Variants in OPN3 observed in about 807,000 individuals in gnomAD.
The protein encoded by OPN3 is opsin 3, also known as opsin-3.
OPN3 carries 29 observed loss-of-function variants against 33.8 expected under a neutral mutation model. The observed-to-expected ratio is 0.86, with a 90% CI of 0.64 to 1.17. The LOEUF (loss-of-function observed/expected upper bound fraction) is 1.17. Among genes scored for constraint, OPN3 ranks in the 50% most tolerant of loss-of-function variants. The pLI, the probability that OPN3 is intolerant of heterozygous loss-of-function variation, is 0.00. For missense variants in OPN3, 437 were observed against 514.1 expected (o/e 0.85, Z 1.45); for synonymous variants, 216 against 216.1 (o/e 1.00, Z 0.00).
chr1:241,596,706 A>G (rs1234439862), intron 3 of OPN3, among the ~76,000 whole-genome samples: 3 of 152,214 alleles, frequency 2.0e-5, no homozygotes, highest in African/African-American at 7.2e-5. Context: ...ATTATCTTTA[A>G]CTTTTAAATT....
chr1:241,604,185 T>C (rs1663757310), intron 2 of OPN3, 75 bp downstream of exon 2: 4 of 1,379,374 alleles, frequency 2.9e-6, no homozygotes, highest in Non-Finnish European at 4.0e-6. Context: ...ATAGGAAGAC[T>C]TTCATTATTT....
At chr1:241,635,590 C>T (rs749809053) in intron 1 of OPN3, 12 of 1,614,094 alleles carry the variant, frequency 7.4e-6, no homozygotes, top group South Asian at 5.5e-5. Flanking sequence ...GATACTCCTT[C>T]AACCAGGATA....
rs200073477 is a variant in OPN3, at chr1:241,597,795, T to A, written c.896A>T (p.Lys299Ile). ...CACTGGATTGTATACAGTGTTCGAT[T>A]TAGCAAAGAGGTACGAAACAATAGA... ...TISIVSYLFA[K>I]SNTVYNPVIY... is the part of the protein sequence containing the mutation. The change falls in exon 3 of 4, where the codon AAA becomes ATA. Residue 299 changes from lysine to isoleucine, a missense_variant. Physicochemically the swap from Lys to Ile is moderately radical, Grantham distance 102. Transcript: ENST00000366554. 4.6e-5 allele frequency: 74 copies of A among 1,613,784 alleles called. No homozygotes were observed. Among genetic ancestry groups the A allele is most frequent in the Non-Finnish European group, 5.8e-5 (69 of 1,179,952 alleles).
At chr1:241,634,490 C>T in intron 1 of OPN3, 1 of 1,613,712 alleles carries the variant, frequency 6.2e-7, no homozygotes, top group Non-Finnish European at 8.5e-7. Flanking sequence ...TATTCTTTGA[C>T]CAAAGTGATC....
At position 241,639,970 on chromosome 1, in the gene OPN3, G is replaced by A; in HGVS notation, c.285C>T (p.Val95=). ...TCAGGCAGGACACGAAGGTAAAGGT[G>A]ACCCCGAAGAGGGACACCAGCAGGT... ...LSDLLVSLFG[V]TFTFVSCLRN... Residue 95 remains valine (V), a synonymous_variant, in exon 1 of 4, where the codon GTC becomes GTT. Transcript: ENST00000366554. 2 of 1,612,284 alleles carry A rather than the reference G, an allele frequency of 1.2e-6. No homozygotes were observed. The highest frequency in any genetic ancestry group is 1.7e-6 in the Non-Finnish European group (2 of 1,179,318).
rs548924916 is a variant in OPN3, at chr1:241,614,182, A to G, written c.374-9603T>C. ...GACTCCGTCTCAAAATTAAAAAAAA[A>G]AATTATGATTTCAGGTAATCAACTT... On this transcript the variant is annotated intron_variant, in intron 1 of 3. Transcript: ENST00000366554. 4.6e-5 allele frequency: 7 copies of G among 152,252 alleles called. No individual in the cohort carries two copies. The East Asian group carries it at 1.4e-3, about 29-fold the overall frequency. The allele number at this position is 152,252 out of a possible 1,614,324, so 9.4% of individuals were successfully genotyped here.
At chr1:241,604,712 A>C in intron 1 of OPN3, 133 bp from the exon 2 acceptor site, 1 of 780,762 alleles carries the variant, frequency 1.3e-6, no homozygotes, top group Non-Finnish European at 2.0e-6. Context: ...AGCCAAGAGT[A>C]ATAGTGTCTA....
intron 1 of OPN3, chr1:241,632,330 G>A (rs1361091297): frequency 1.3e-5 from 2 of 152,190 alleles, no homozygotes; most frequent in Non-Finnish European, 2.9e-5. Flanking sequence ...TCTCAGGTGT[G>A]TCTTTATCAA....
intron 1 of OPN3, chr1:241,635,850 T>C: frequency 7.4e-7 from 1 of 1,359,914 alleles, no homozygotes; most frequent in Non-Finnish European, 1.0e-6. Flanking sequence ...GTCCTTCTGA[T>C]GTTCCAGTTA....
chr1:241,624,739 C>A (rs902644518), intron 1 of OPN3, among the ~76,000 whole-genome samples: 1 of 152,160 alleles, frequency 6.6e-6, no homozygotes, highest in African/African-American at 2.4e-5. Context: ...GAAGCAGTTA[C>A]CAGTGTTCCT....
intron 1 of OPN3, 52 bp downstream of exon 1, chr1:241,639,830 T>C: frequency 7.4e-7 from 1 of 1,353,494 alleles, no homozygotes; most frequent in Non-Finnish European, 9.5e-7. Flanking sequence ...GGCAGCGGGG[T>C]GGGGAGTGGA....
At chr1:241,634,898 G>C (rs768570505) in intron 1 of OPN3, 1 of 1,610,916 alleles carries the variant, frequency 6.2e-7, no homozygotes, top group East Asian at 2.2e-5. Flanking sequence ...TTCAACCATG[G>C]TGAGTTCCTT....
At chr1:241,614,387 T>G (rs1664069438) in intron 1 of OPN3, among the ~76,000 whole-genome samples, 1 of 152,198 alleles carries the variant, frequency 6.6e-6, no homozygotes, top group African/African-American at 2.4e-5. Flanking sequence ...GCTGCACTGT[T>G]GTTTCCATTG....
chr1:241,624,546 G>A (rs1330250276), intron 1 of OPN3, among the ~76,000 whole-genome samples: 2 of 152,200 alleles, frequency 1.3e-5, no homozygotes, highest in Admixed American at 1.3e-4. Flanking sequence ...TAATATGGTG[G>A]TTAATTGTGC....
At chr1:241,615,791 C>T (rs1664108769) in intron 1 of OPN3, 4 of 452,714 alleles carry the variant, frequency 8.8e-6, no homozygotes, top group South Asian at 3.1e-5. Context: ...TTCCCAGCAG[C>T]GGTGGCTCTA....
At chr1:241,600,528 G>T (rs1663651963) in intron 2 of OPN3, 1 of 152,214 alleles carries the variant, frequency 6.6e-6, no homozygotes, top group African/African-American at 2.4e-5. Flanking sequence ...TTCTCTGGCT[G>T]TATAAATGGC....
intron 1 of OPN3, among the ~76,000 whole-genome samples, chr1:241,613,466 A>G (rs1045371197): frequency 1.3e-5 from 2 of 152,236 alleles, no homozygotes; most frequent in African/African-American, 4.8e-5. Flanking sequence ...AGAATTATCA[A>G]AAATTTTATA....
intron 1 of OPN3, chr1:241,631,813 T>C (rs1016412166): frequency 3.3e-5 from 5 of 152,176 alleles, no homozygotes; most frequent in Non-Finnish European, 5.9e-5. Flanking sequence ...TGTGTGCTTT[T>C]TACCCCCGGC....
chr1:241,621,204 C>T (rs1204410010), intron 1 of OPN3, among the ~76,000 whole-genome samples: 7 of 151,962 alleles, frequency 4.6e-5, no homozygotes, highest in Non-Finnish European at 7.4e-5. Flanking sequence ...TTATTATTTG[C>T]ATTTTTCTGT....
Sources: gnomAD v4.1 joint callset for allele counts (sites outside exome capture counted in the v4.1 genomes callset) on GRCh38, gnomAD v4.1.1 for gene constraint, MANE v1.5 for transcripts, NCBI Gene and HGNC (gene_info 2026-07-23, HGNC 2026-07-21) for gene names.